CFAP77: variants seen among roughly 807,000 people sequenced by gnomAD.
CFAP77 encodes cilia- and flagella-associated protein 77.
CFAP77 carries 25 observed loss-of-function variants against 31.1 expected under a neutral mutation model. That is an observed-to-expected ratio of 0.80 (90% CI 0.59 to 1.12). The LOEUF (loss-of-function observed/expected upper bound fraction) is 1.12. CFAP77 is among the 50% of genes most tolerant of loss of function. The pLI is 0.00. For missense variants in CFAP77, 377 were observed against 397.3 expected (o/e 0.95, Z 0.44); for synonymous variants, 151 against 159.9 (o/e 0.94, Z 0.42).
chr9:132,487,550 G>A (rs1229036168), intron 1 of CFAP77, among the ~76,000 whole-genome samples: 1 of 151,734 alleles, frequency 6.6e-6, no homozygotes, highest in African/African-American at 2.4e-5. Context: ...TCACAGTTAT[G>A]GGGCTGGGTT....
At chr9:132,487,941 G>A (rs965826308) in intron 1 of CFAP77, among the ~76,000 whole-genome samples, 1 of 152,070 alleles carries the variant, frequency 6.6e-6, no homozygotes, top group Non-Finnish European at 1.5e-5. Flanking sequence ...AGGATCTTAA[G>A]TTGTTTTACA....
At chr9:132,441,583 G>T (rs927316186) in intron 1 of CFAP77, among the ~76,000 whole-genome samples, 1 of 152,162 alleles carries the variant, frequency 6.6e-6, no homozygotes. Context: ...TGGAGTGGAC[G>T]TATTTTCCTT....
intron 1 of CFAP77, among the ~76,000 whole-genome samples, chr9:132,420,210 C>T (rs931746671): frequency 2.0e-5 from 3 of 149,180 alleles, no homozygotes; most frequent in African/African-American, 4.9e-5. Context: ...CAGAATGCCA[C>T]GTTTAAGCGT....
chr9:132,563,857 T>C (rs1295619674), intron 5 of CFAP77, among the ~76,000 whole-genome samples: 3 of 152,218 alleles, frequency 2.0e-5, no homozygotes, highest in Non-Finnish European at 4.4e-5. Context: ...ATGCGCTGGG[T>C]TGAGCATACT....
At chr9:132,458,357 G>GGTGGGGTGGGAT (rs1554738863) in intron 1 of CFAP77, among the ~76,000 whole-genome samples, 1 of 119,046 alleles carries the variant, frequency 8.4e-6, no homozygotes, top group African/African-American at 3.2e-5. Flanking sequence ...GAGGGGGGGG[G>GGTGGGGTGGGAT]GTGTGTATGG....
At chr9:132,418,002 C>T (rs1165060738) in intron 1 of CFAP77, among the ~76,000 whole-genome samples, 1 of 152,204 alleles carries the variant, frequency 6.6e-6, no homozygotes, top group Non-Finnish European at 1.5e-5. Flanking sequence ...GCCGAGCTTA[C>T]CCTTGAGGGT....
chr9:132,494,318 C>T (rs185930347), intron 1 of CFAP77, among the ~76,000 whole-genome samples: 1 of 152,264 alleles, frequency 6.6e-6, no homozygotes, highest in African/African-American at 2.4e-5. Context: ...GGCAGCATTC[C>T]TGGCCTTTAC....
In CFAP77 at chr9:132,424,101, A is replaced by C. The variant is rs546721659; in HGVS notation, c.195+13635A>C. ...TGAAACCAATGCAGCCAAGACATCC[A>C]TGGCTGTTAAAAAAAGAGTTAGGAG... On this transcript the variant is annotated intron_variant, in intron 1 of 5. Coordinates refer to ENST00000393216, the MANE Select transcript of CFAP77 (RefSeq NM_001282957.2). This position sits in a 1 kb window ranked among gnomAD's most constrained non-coding sequence, Gnocchi z 4.1. 6.6e-6 allele frequency among the ~76,000 whole-genome samples: 1 copy of C among 152,142 alleles called. No homozygotes were observed. Among genetic ancestry groups the C allele is most frequent in the Non-Finnish European group, 1.5e-5 (1 of 68,020 alleles).
At chr9:132,547,328 C>T (rs556310128) in intron 5 of CFAP77, among the ~76,000 whole-genome samples, 3 of 152,188 alleles carry the variant, frequency 2.0e-5, no homozygotes, top group Non-Finnish European at 2.9e-5. Context: ...AATGGGCTAA[C>T]AAATGCTCCC....
chr9:132,510,466 C>T (rs981364759), intron 3 of CFAP77, among the ~76,000 whole-genome samples: 4 of 152,300 alleles, frequency 2.6e-5, no homozygotes, highest in South Asian at 2.1e-4. Context: ...TTCCGGGACA[C>T]GGAGGAGATG....
At chr9:132,415,281 T>C (rs1001888632) in intron 1 of CFAP77, among the ~76,000 whole-genome samples, 2 of 152,132 alleles carry the variant, frequency 1.3e-5, no homozygotes, top group Non-Finnish European at 2.9e-5. Context: ...CCTTTTTTCC[T>C]TTTTTCTTCT....
chr9:132,571,134 C>T (rs1237533260), intron 5 of CFAP77, among the ~76,000 whole-genome samples: 1 of 152,152 alleles, frequency 6.6e-6, no homozygotes, highest in African/African-American at 2.4e-5. Context: ...GGTGGTCAAC[C>T]CTGGCCTGGA....
chr9:132,486,004 A>G (rs1356995501), intron 1 of CFAP77, among the ~76,000 whole-genome samples: 10 of 10,710 alleles, frequency 9.3e-4, no homozygotes, highest in African/African-American at 5.1e-3. Context: ...ATATATATAT[A>G]TATATATATA....
chr9:132,545,469 G>GAGAAAGAAAATCAA lies in CFAP77; in HGVS notation c.732+2422_732+2423insAGAAAGAAAATCAA. ...AAAGAAAATCAACATGCAAGCCACAGCATATACTGAGTGTTCGCCTCCTTT... is the reference window on the plus strand; with the variant it reads ...AAAGAAAATCAACATGCAAGCCACAGAGAAAGAAAATCAACATATACTGAGTGTTCGCCTCCTTT... On this transcript the variant is annotated intron_variant, in intron 5 of 5. Transcript: ENST00000393216. This position sits in a 1 kb window ranked among gnomAD's most constrained non-coding sequence, Gnocchi z 4.6. Among the ~76,000 whole-genome samples the GAGAAAGAAAATCAA allele has an allele frequency of 6.6e-6, 1 of 152,332 alleles. No individual in the cohort carries two copies. Among genetic ancestry groups the GAGAAAGAAAATCAA allele is most frequent in the Non-Finnish European group, 1.5e-5 (1 of 68,030 alleles).
At chr9:132,473,546 T>C (rs1464935305) in intron 1 of CFAP77, among the ~76,000 whole-genome samples, 2 of 152,144 alleles carry the variant, frequency 1.3e-5, no homozygotes, top group Non-Finnish European at 2.9e-5. Context: ...TCAGGATACC[T>C]TCCTGTCTGT....
chr9:132,423,167 G>A (rs936840154), intron 1 of CFAP77, among the ~76,000 whole-genome samples: 1 of 152,182 alleles, frequency 6.6e-6, no homozygotes. Flanking sequence ...GTTTAAGCAA[G>A]TCTTTTAAAA....
At chr9:132,417,985 C>A (rs1035127295) in intron 1 of CFAP77, among the ~76,000 whole-genome samples, 3 of 152,232 alleles carry the variant, frequency 2.0e-5, no homozygotes, top group Admixed American at 2.0e-4. Flanking sequence ...CAATTTCTAG[C>A]ACTCATGCCG....
rs1423521957 is a variant in CFAP77, at chr9:132,499,394, C to T, written c.318C>T (p.Phe106=). 2.5e-6 allele frequency: 4 copies of T among 1,614,198 alleles called. No individual in the cohort carries two copies. In the South Asian group the frequency reaches 3.3e-5, roughly 13 times the overall value. The change falls in exon 3 of 6, where the codon TTC becomes TTT. Residue 106 remains phenylalanine (F), a synonymous_variant. Coordinates refer to ENST00000393216, the MANE Select transcript of CFAP77 (RefSeq NM_001282957.2). This position sits in a 1 kb window ranked among gnomAD's most constrained non-coding sequence, Gnocchi z 5.4. ...CAGCCATCGGACGCTGGAACGTGTT[C>T]AAGCAGCAGCCCACCTGCCCCCACG... ...VPEAIGRWNV[F]KQQPTCPHEL... is the part of the protein sequence containing the mutation.
intron 1 of CFAP77, among the ~76,000 whole-genome samples, chr9:132,492,589 T>C (rs1454830944): frequency 1.3e-5 from 2 of 152,238 alleles, no homozygotes; most frequent in African/African-American, 4.8e-5. Flanking sequence ...CACTCAGCCA[T>C]GCGGCTTTGG....
Sources: gnomAD v4.1 joint callset for allele counts (sites outside exome capture counted in the v4.1 genomes callset) on GRCh38, gnomAD v4.1.1 for gene constraint, Gnocchi (gnomAD v3.1) non-coding constraint, MANE v1.5 for transcripts, NCBI Gene and HGNC (gene_info 2026-07-23, HGNC 2026-07-21) for gene names.